THSD7B: variants seen among roughly 807,000 people sequenced by gnomAD.
THSD7B encodes the protein thrombospondin type 1 domain containing 7B, also known as thrombospondin type-1 domain-containing protein 7B.
A neutral mutation model predicts 213.6 loss-of-function variants in THSD7B; 138 were observed. That is an observed-to-expected ratio of 0.65 (90% CI 0.56 to 0.74). THSD7B has a LOEUF of 0.74. Among genes scored for constraint, THSD7B ranks in the 30% least tolerant of loss-of-function variants. The pLI is 0.00. For synonymous variants in THSD7B, 742 were observed against 687.0 expected, an observed-to-expected ratio of 1.08 and a Z score of -1.25; for missense variants, 1,931 against 1,991.5, an observed-to-expected ratio of 0.97 and a Z score of 0.58.
chr2:136,863,678 GCTTAGGGT>G (rs1208744423), intron 1 of THSD7B, among the ~76,000 whole-genome samples: 1 of 152,168 alleles, frequency 6.6e-6, no homozygotes, highest in East Asian at 1.9e-4. Context: ...ATTTTGGTTG[GCTTAGGGT>G]CTTAGGAAGA....
At chr2:136,798,847 T>C (rs1401148520) in intron 1 of THSD7B, among the ~76,000 whole-genome samples, 1 of 151,702 alleles carries the variant, frequency 6.6e-6, no homozygotes, top group Admixed American at 6.6e-5. Context: ...CCCATAAACA[T>C]TGACCAAAGG....
At chr2:137,049,313 G>A (rs891418688) in intron 2 of THSD7B, among the ~76,000 whole-genome samples, 2 of 151,218 alleles carry the variant, frequency 1.3e-5, no homozygotes, top group East Asian at 4.0e-4. Context: ...GGCTTTGCAA[G>A]CCCCATTTGC....
At chr2:137,043,465 C>T (rs1157217975) in intron 2 of THSD7B, among the ~76,000 whole-genome samples, 1 of 152,166 alleles carries the variant, frequency 6.6e-6, no homozygotes, top group Non-Finnish European at 1.5e-5. Flanking sequence ...CCTAGGCAGC[C>T]ATTCGTTCTC....
At position 137,295,520 on chromosome 2, in the gene THSD7B, G is replaced by T. The variant is rs145372401; in HGVS notation, c.2500+19494G>T. Among the ~76,000 whole-genome samples the T allele has an allele frequency of 1.9e-3, 289 of 152,146 alleles. 7 individuals carry two copies. In the East Asian group the frequency reaches 0.051, roughly 27 times the overall value. ...GAGATGGAGTCTTGCTCTGTTGCCA[G>T]GCTAGAGGGCAGTGGTGTGATCTCG... On this transcript the variant is annotated intron_variant, in intron 12 of 27. Transcript: ENST00000409968.
chr2:137,051,922 T>C (rs1436163671), intron 2 of THSD7B, among the ~76,000 whole-genome samples: 1 of 152,140 alleles, frequency 6.6e-6, no homozygotes, highest in Non-Finnish European at 1.5e-5. Flanking sequence ...AATGTGATGA[T>C]TTATGTTGGG....
intron 15 of THSD7B, among the ~76,000 whole-genome samples, chr2:137,460,727 A>G (rs1409939837): frequency 6.6e-6 from 1 of 152,132 alleles, no homozygotes; most frequent in Non-Finnish European, 1.5e-5. Flanking sequence ...GAGTGCAGAC[A>G]GAAAGGCACA....
chr2:137,580,656 C>T (rs911307933), intron 17 of THSD7B, among the ~76,000 whole-genome samples: 1 of 152,056 alleles, frequency 6.6e-6, no homozygotes, highest in Admixed American at 6.6e-5. Context: ...TAAAGAAATA[C>T]CTGAGATTGG....
At chr2:136,930,345 A>C (rs1271246837) in intron 2 of THSD7B, among the ~76,000 whole-genome samples, 2 of 152,144 alleles carry the variant, frequency 1.3e-5, no homozygotes, top group South Asian at 2.1e-4. Flanking sequence ...CCTAGAGGAG[A>C]ATAACTGTGG....
intron 15 of THSD7B, among the ~76,000 whole-genome samples, chr2:137,496,847 C>T (rs2105129876): frequency 6.6e-6 from 1 of 152,096 alleles, no homozygotes; most frequent in South Asian, 2.1e-4. Flanking sequence ...TTTTTGAGTG[C>T]CTATCATGTG....
chr2:136,982,647 TCA>T (rs914806267), intron 2 of THSD7B, among the ~76,000 whole-genome samples: 1 of 152,086 alleles, frequency 6.6e-6, no homozygotes, highest in African/African-American at 2.4e-5. Context: ...AGGCCCTTTT[TCA>T]CACACACACA....
At position 137,232,951 on chromosome 2, in the gene THSD7B, T is replaced by C. The variant is rs1372097330; in HGVS notation, c.1968T>C (p.Asn656=). 1 of 1,613,958 alleles carries C rather than the reference T, an allele frequency of 6.2e-7. No individual in the cohort carries two copies. The highest frequency in any genetic ancestry group is 1.1e-5 in the South Asian group (1 of 91,084). Reference sequence around the variant, plus strand: ...CTCTCCAAGAGCATCGTTTGTGTAATGACCATTCCTGTATGCAGCTTCACT... The same window carrying C: ...CTCTCCAAGAGCATCGTTTGTGTAACGACCATTCCTGTATGCAGCTTCACT... The part of the protein sequence containing the change: ...SQALQEHRLC[N]DHSCMQLHWE... Residue 656 remains asparagine (N), a synonymous_variant, in exon 9 of 28, where the codon AAT becomes AAC. Coordinates refer to ENST00000409968, the MANE Select transcript of THSD7B (RefSeq NM_001316349.2).
intron 2 of THSD7B, among the ~76,000 whole-genome samples, chr2:137,017,583 AT>A (rs912031982): frequency 1.3e-5 from 2 of 152,114 alleles, no homozygotes; most frequent in African/African-American, 4.8e-5. Flanking sequence ...GCAAATACAG[AT>A]GTAGAAACAG....
intron 1 of THSD7B, among the ~76,000 whole-genome samples, chr2:136,796,048 T>C (rs1573641824): frequency 6.6e-6 from 1 of 151,966 alleles, no homozygotes; most frequent in East Asian, 1.9e-4. Flanking sequence ...ACCTAAAAAG[T>C]GTTCTGTCCT....
intron 14 of THSD7B, among the ~76,000 whole-genome samples, chr2:137,424,413 A>C (rs1686994602): frequency 6.6e-6 from 1 of 152,172 alleles, no homozygotes; most frequent in African/African-American, 2.4e-5. Context: ...AAAAGGACGA[A>C]AAGGACACTA....
intron 12 of THSD7B, among the ~76,000 whole-genome samples, chr2:137,397,404 T>C (rs1275548637): frequency 1.3e-5 from 2 of 152,146 alleles, no homozygotes; most frequent in African/African-American, 4.8e-5. Context: ...TAAAGGATTT[T>C]ATTTCTCCTT....
intron 3 of THSD7B, among the ~76,000 whole-genome samples, chr2:137,066,189 C>CTTTT (rs70975797): frequency 3.5e-5 from 4 of 115,718 alleles, no homozygotes; most frequent in Admixed American, 9.1e-5. Context: ...TGAGTTTTCA[C>CTTTT]TTTTTTTTTT....
At chr2:136,922,371 C>G (rs1417336970) in intron 2 of THSD7B, among the ~76,000 whole-genome samples, 1 of 152,130 alleles carries the variant, frequency 6.6e-6, no homozygotes, top group Non-Finnish European at 1.5e-5. Context: ...TTCTCTTGGC[C>G]AGAAAGCTTG....
chr2:136,798,342 G>T (rs1682109945), intron 1 of THSD7B, among the ~76,000 whole-genome samples: 1 of 151,846 alleles, frequency 6.6e-6, no homozygotes, highest in African/African-American at 2.4e-5. Flanking sequence ...TGAAAACTTT[G>T]TGTTCAGTTC....
In THSD7B at chr2:137,029,354, C is replaced by A. The variant is rs555910303; in HGVS notation, c.140-27066C>A. ...TCAGCCTCCCAAAGTGCTGAGGTTA[C>A]AGGCACCATGCCAAGCCTGTAAGCA... On this transcript the variant is annotated intron_variant, in intron 2 of 27. Transcript: ENST00000409968. Among the ~76,000 whole-genome samples the A allele has an allele frequency of 2.6e-5, 4 of 152,192 alleles. No homozygotes were observed. In the East Asian group the frequency reaches 7.7e-4, roughly 29 times the overall value.
Sources: allele counts gnomAD v4.1 joint callset (sites outside exome capture counted in the v4.1 genomes callset), GRCh38; gene constraint gnomAD v4.1.1; transcripts MANE v1.5; gene names NCBI Gene and HGNC (gene_info 2026-07-23, HGNC 2026-07-21).